The following CEMIP variants were observed in gnomAD, a reference collection of about 807,000 sequenced individuals.
CEMIP encodes the protein cell migration-inducing and hyaluronan-binding protein.
A neutral mutation model predicts 156.9 loss-of-function variants in CEMIP; 105 were observed. The observed-to-expected ratio is 0.67, with a 90% CI of 0.57 to 0.79. The LOEUF is 0.79. CEMIP is among the 30% of genes least tolerant of loss of function. CEMIP has a pLI of 0.00. For synonymous variants in CEMIP, 676 were observed against 668.4 expected, an observed-to-expected ratio of 1.01 and a Z score of -0.17; for missense variants, 1,457 against 1,769.4, an observed-to-expected ratio of 0.82 and a Z score of 3.17.
intron 15 of CEMIP, 31 bp downstream of exon 15, chr15:80,920,330 G>A (rs763458056): frequency 3.8e-6 from 6 of 1,590,890 alleles, no homozygotes; most frequent in African/African-American, 1.3e-5. Context: ...CTGTGTGCTG[G>A]GGGGAAGGGG....
chr15:80,787,199 G>A (rs1457960053), intron 1 of CEMIP, among the ~76,000 whole-genome samples: 1 of 152,224 alleles, frequency 6.6e-6, no homozygotes, highest in African/African-American at 2.4e-5. Flanking sequence ...TCCTTAGAAA[G>A]GGAACTGAAG....
At chr15:80,809,617 C>G (rs1044845936) in intron 1 of CEMIP, among the ~76,000 whole-genome samples, 2 of 152,216 alleles carry the variant, frequency 1.3e-5, no homozygotes, top group African/African-American at 2.4e-5. Flanking sequence ...ACAGGGTTCT[C>G]TACCCATGGT....
intron 23 of CEMIP, among the ~76,000 whole-genome samples, chr15:80,935,560 T>C (rs1901089670): frequency 1.3e-5 from 2 of 152,194 alleles, no homozygotes; most frequent in Non-Finnish European, 2.9e-5. Flanking sequence ...ATGGGCAGGG[T>C]TGGTTCTCTT....
intron 1 of CEMIP, among the ~76,000 whole-genome samples, chr15:80,820,091 G>C (rs918651378): frequency 6.6e-6 from 1 of 152,182 alleles, no homozygotes; most frequent in Non-Finnish European, 1.5e-5. Flanking sequence ...TCCTGCTCTG[G>C]ACTGTTCCAG....
chr15:80,811,688 G>A (rs1020950707), intron 1 of CEMIP, among the ~76,000 whole-genome samples: 3 of 152,166 alleles, frequency 2.0e-5, no homozygotes, highest in Non-Finnish European at 4.4e-5. Context: ...CTGAGTAGCT[G>A]AGGCCACAGG....
intron 15 of CEMIP, among the ~76,000 whole-genome samples, chr15:80,920,822 C>A (rs1900443801): frequency 6.6e-6 from 1 of 152,238 alleles, no homozygotes; most frequent in Non-Finnish European, 1.5e-5. Flanking sequence ...GACCCATGCT[C>A]TTTTTAATTT....
chr15:80,833,505 A>G (rs1897201686), intron 1 of CEMIP, among the ~76,000 whole-genome samples: 1 of 152,154 alleles, frequency 6.6e-6, no homozygotes, highest in African/African-American at 2.4e-5. Context: ...ATATCCAAAC[A>G]GGTGATTTTT....
rs75214757 is a variant in CEMIP, at chr15:80,949,960, C to T, written c.*1036C>T. The T allele has an allele frequency of 6.6e-6, 1 of 152,280 alleles. No homozygotes were observed. The highest frequency in any genetic ancestry group is 2.4e-5 in the African/African-American group (1 of 41,546). 9.4% of individuals were successfully genotyped at this position (152,280 alleles called of 1,614,324 possible). On this transcript the variant is annotated 3_prime_UTR_variant, in exon 30 of 30. Coordinates refer to ENST00000394685, the MANE Select transcript of CEMIP (RefSeq NM_001293298.2). ...CCTTTGCTCACGTCTCTCTGGCCCA[C>T]TCATGATGGAGAAGTGTGGTCAGAG... is the stretch of plus-strand genomic sequence containing the variant.
At chr15:80,874,226 G>A (rs983127451) in intron 3 of CEMIP, among the ~76,000 whole-genome samples, 1 of 152,246 alleles carries the variant, frequency 6.6e-6, no homozygotes, top group Admixed American at 6.5e-5. Context: ...CAGAAGCCAG[G>A]CCCCTGACAC....
chr15:80,907,861 T>G (rs1184443276), intron 13 of CEMIP, among the ~76,000 whole-genome samples: 3 of 152,230 alleles, frequency 2.0e-5, no homozygotes, highest in Admixed American at 6.5e-5. Flanking sequence ...ACCTCAGAGT[T>G]TTGCTAAGAC....
At chr15:80,874,050 G>T (rs1567077655) in intron 3 of CEMIP, 77 bp downstream of exon 3, 1 of 1,367,064 alleles carries the variant, frequency 7.3e-7, no homozygotes, top group African/African-American at 1.4e-5. Context: ...GGCTGCTTTT[G>T]GGGGAGCCAG....
chr15:80,808,001 C>G (rs528847814), intron 1 of CEMIP, among the ~76,000 whole-genome samples: 1 of 152,322 alleles, frequency 6.6e-6, no homozygotes, highest in Admixed American at 6.5e-5. Flanking sequence ...CCTCTCTCTA[C>G]CCATTGCAGC....
intron 1 of CEMIP, among the ~76,000 whole-genome samples, chr15:80,813,958 T>C (rs1896728739): frequency 1.3e-5 from 2 of 150,614 alleles, no homozygotes; most frequent in Non-Finnish European, 1.5e-5. Flanking sequence ...AATACCTGGC[T>C]CCATACCTGT....
chr15:80,791,957 T>C (rs1896092850), intron 1 of CEMIP, among the ~76,000 whole-genome samples: 1 of 152,192 alleles, frequency 6.6e-6, no homozygotes, highest in Admixed American at 6.5e-5. Context: ...CTGAATGCGG[T>C]CTGGTCTGCC....
intron 1 of CEMIP, among the ~76,000 whole-genome samples, chr15:80,865,971 G>A (rs962257915): frequency 3.9e-5 from 6 of 152,186 alleles, no homozygotes; most frequent in Non-Finnish European, 5.9e-5. Flanking sequence ...CAGCACCAGC[G>A]CAGTGGCCGC....
chr15:80,933,403 A>G lies in CEMIP; in HGVS notation c.2952A>G (p.Pro984=). The G allele has an allele frequency of 6.2e-7, 1 of 1,614,168 alleles. No homozygotes were observed. Among genetic ancestry groups the G allele is most frequent in the Non-Finnish European group, 8.5e-7 (1 of 1,180,042 alleles). The change falls in exon 23 of 30, where the codon CCA becomes CCG. Residue 984 remains proline (P), a synonymous_variant. Coordinates refer to ENST00000394685, the MANE Select transcript of CEMIP (RefSeq NM_001293298.2). ...ATGACAACTGGCTGGTCCGGCACCC[A>G]GACTGCATCAATGTTCCCGACTGGA... ...TKNDNWLVRH[P]DCINVPDWRG...
intron 1 of CEMIP, among the ~76,000 whole-genome samples, chr15:80,849,766 G>A (rs995403711): frequency 6.6e-6 from 1 of 152,212 alleles, no homozygotes; most frequent in Non-Finnish European, 1.5e-5. Flanking sequence ...AGGCCAGATT[G>A]AAATATACTA....
At chr15:80,879,639 G>C (rs1288731063) in intron 4 of CEMIP, 77 bp from the exon 5 acceptor site, 2 of 1,566,394 alleles carry the variant, frequency 1.3e-6, no homozygotes, top group Non-Finnish European at 1.8e-6. Flanking sequence ...AGTGCTTAGG[G>C]AGTCTGCCCT....
chr15:80,878,618 G>T (rs562992690), intron 3 of CEMIP, 103 bp from the exon 4 acceptor site: 1 of 1,462,542 alleles, frequency 6.8e-7, no homozygotes, highest in Non-Finnish European at 9.5e-7. Context: ...ACAGAGAGGA[G>T]GTAGGGGCCT....
Sources: gnomAD v4.1 joint callset for allele counts (sites outside exome capture counted in the v4.1 genomes callset) on GRCh38, gnomAD v4.1.1 for gene constraint, MANE v1.5 for transcripts, NCBI Gene and HGNC (gene_info 2026-07-23, HGNC 2026-07-21) for gene names.